Variants in CA12 observed in about 807,000 individuals in gnomAD.
The protein encoded by CA12 is carbonate dehydratase XII.
Under a neutral mutation model 46.8 loss-of-function variants are expected in CA12, and 36 were observed. The ratio of observed to expected loss-of-function variants is 0.77; its 90% CI spans 0.59 to 1.02. CA12 has a LOEUF of 1.02. Among genes scored for constraint, CA12 ranks in the 50% least tolerant of loss-of-function variants. The pLI, the probability that CA12 is intolerant of heterozygous loss-of-function variation, is 0.00. For synonymous variants in CA12, 202 were observed against 187.0 expected (o/e 1.08, Z -0.65); for missense variants, 436 against 451.4 (o/e 0.97, Z 0.31).
At chr15:63,380,886 C>T (rs1353346418) in intron 1 of CA12, among the ~76,000 whole-genome samples, 1 of 152,226 alleles carries the variant, frequency 6.6e-6, no homozygotes, top group African/African-American at 2.4e-5. Context: ...AGCTCACTGG[C>T]CCGGCGTGAG....
chr15:63,346,995 A>T (rs2039159142), intron 2 of CA12, among the ~76,000 whole-genome samples: 2 of 152,198 alleles, frequency 1.3e-5, no homozygotes, highest in Non-Finnish European at 1.5e-5. Flanking sequence ...TTTGACACAC[A>T]CGTCAAGACC....
intron 3 of CA12, among the ~76,000 whole-genome samples, chr15:63,346,288 C>T (rs776451140): frequency 9.2e-5 from 14 of 152,170 alleles, no homozygotes; most frequent in Non-Finnish European, 1.8e-4. Flanking sequence ...CGGTCTCCTG[C>T]CCCATCCTGA....
Position 63,338,894 on chromosome 15 carries a change from G to A in CA12, c.799C>T (p.Pro267Ser), listed in dbSNP as rs2039039090. 2 of 1,614,160 alleles carry A rather than the reference G, an allele frequency of 1.2e-6. No homozygotes were observed. The highest frequency in any genetic ancestry group is 1.7e-6 in the Non-Finnish European group (2 of 1,180,030). ...LYCTHMDDPS[P>S]REMINNFRQV... is the part of the protein sequence containing the mutation. ...CGGAAGTTGTTGATCATTTCTCTGG[G>A]GGAAGGGTCGTCCATGTGTGTGCAG... The change falls in exon 8 of 11, where the codon CCC (proline) becomes TCC (serine). Residue 267 changes from proline to serine, a missense_variant. Coordinates refer to ENST00000178638, the MANE Select transcript of CA12 (RefSeq NM_001218.5).
chr15:63,373,964 C>A lies in CA12; in HGVS notation c.106+1694G>T, dbSNP rs1220331593. On this transcript the variant is annotated intron_variant, in intron 2 of 10. Coordinates refer to ENST00000178638, the MANE Select transcript of CA12 (RefSeq NM_001218.5). The surrounding 1 kb of genome is among the most constrained non-coding windows in gnomAD (Gnocchi z 4.9). ...GTTCTCTTATCCTGGCCTGGCCTTC[C>A]CCCTCACTGCCACCACTGTAAACTG... Among the ~76,000 whole-genome samples, 1 of 152,222 alleles carries A rather than the reference C, an allele frequency of 6.6e-6. No homozygotes were observed. Among genetic ancestry groups the A allele is most frequent in the African/African-American group, 2.4e-5 (1 of 41,446 alleles).
rs866245076 is a variant in CA12, at chr15:63,341,244, C to T, written c.526-461G>A. ...CTTGGGATAAAAAAAGAATTCATTC[C>T]AGGGTACATATAGAGCAGGGGTGCC... On this transcript the variant is annotated intron_variant, in intron 5 of 10. Coordinates refer to ENST00000178638, the MANE Select transcript of CA12 (RefSeq NM_001218.5). The surrounding 1 kb of genome is among the most constrained non-coding windows in gnomAD (Gnocchi z 5.2). Among the ~76,000 whole-genome samples, 2 of 152,206 alleles carry T rather than the reference C, an allele frequency of 1.3e-5. No homozygotes were observed. The highest frequency in any genetic ancestry group is 2.1e-4 in the South Asian group (1 of 4,814).
chr15:63,354,010 G>A (rs867423927), intron 2 of CA12, among the ~76,000 whole-genome samples: 6 of 152,172 alleles, frequency 3.9e-5, no homozygotes, highest in South Asian at 4.1e-4. Flanking sequence ...TTGACCCACC[G>A]CACAGAAGGC....
chr15:63,381,736 CGGGGCG>C lies in CA12; in HGVS notation c.-22_-17del, dbSNP rs1218314835. On this transcript the variant is annotated 5_prime_UTR_variant, in exon 1 of 11. Transcript: ENST00000178638. ...GCCGGGGCATCTTCGCGGGCTCCTG[CGGGGCG>C]GGCGCGGGCTGTGCCGGGGGCTCCC... 1 of 1,560,880 alleles carries C rather than the reference CGGGGCG, an allele frequency of 6.4e-7. No homozygotes were observed. Among genetic ancestry groups the C allele is most frequent in the Non-Finnish European group, 8.7e-7 (1 of 1,152,404 alleles).
chr15:63,365,741 G>C (rs1252484126), intron 2 of CA12, among the ~76,000 whole-genome samples: 1 of 152,108 alleles, frequency 6.6e-6, no homozygotes, highest in African/African-American at 2.4e-5. Flanking sequence ...ACATCCCTCT[G>C]GTCTCCCTTC....
chr15:63,332,198 T>C (rs1176043638), intron 8 of CA12, among the ~76,000 whole-genome samples: 1 of 152,214 alleles, frequency 6.6e-6, no homozygotes, highest in Non-Finnish European at 1.5e-5. Context: ...GCAAATCCAG[T>C]GCTATCTTCA....
chr15:63,345,039 C>T lies in CA12; in HGVS notation c.429+438G>A, dbSNP rs184923714. On this transcript the variant is annotated intron_variant, in intron 4 of 10. Transcript: ENST00000178638. This position sits in a 1 kb window ranked among gnomAD's most constrained non-coding sequence, Gnocchi z 4.3. The stretch of plus-strand genomic sequence containing the variant: ...CCCATGTTCTAAACACAACCCATGC[C>T]CAGAGAGGGAAAGATAGCATCAAAA... Among the ~76,000 whole-genome samples the T allele has an allele frequency of 4.3e-4, 65 of 152,138 alleles. 1 individual carries two copies. The highest frequency in any genetic ancestry group is 2.9e-5 in the Non-Finnish European group (2 of 68,004).
At chr15:63,366,518 G>A (rs1317639677) in intron 2 of CA12, among the ~76,000 whole-genome samples, 1 of 152,156 alleles carries the variant, frequency 6.6e-6, no homozygotes, top group East Asian at 1.9e-4. Context: ...TAATGGTAGG[G>A]ACCAAGCCTT....
At position 63,331,537 on chromosome 15, in the gene CA12, G is replaced by A. The variant is rs2038937611; in HGVS notation, c.875-3407C>T. 6.6e-6 allele frequency among the ~76,000 whole-genome samples: 1 copy of A among 152,234 alleles called. No homozygotes were observed. The highest frequency in any genetic ancestry group is 2.4e-5 in the African/African-American group (1 of 41,458). On this transcript the variant is annotated intron_variant, in intron 8 of 10. Coordinates refer to ENST00000178638, the MANE Select transcript of CA12 (RefSeq NM_001218.5). This position sits in a 1 kb window ranked among gnomAD's most constrained non-coding sequence, Gnocchi z 5.3. Reference sequence around the variant, plus strand: ...GCATCGAGTGGCAGCCCAACAGAAGGAGCTCTGGGGCTGGCTGGTAAGAGG... The same window carrying A: ...GCATCGAGTGGCAGCCCAACAGAAGAAGCTCTGGGGCTGGCTGGTAAGAGG...
intron 2 of CA12, among the ~76,000 whole-genome samples, chr15:63,366,758 T>C (rs1202082604): frequency 1.3e-5 from 2 of 152,148 alleles, no homozygotes; most frequent in Admixed American, 1.3e-4. Context: ...ATGGTACCCA[T>C]GTGGTGGGGG....
chr15:63,341,343 C>T lies in CA12; in HGVS notation c.526-560G>A, dbSNP rs139094591. On this transcript the variant is annotated intron_variant, in intron 5 of 10. Transcript: ENST00000178638. The surrounding 1 kb of genome is among the most constrained non-coding windows in gnomAD (Gnocchi z 5.2). ...GGGCCGCACAGCAGGAGGTGAGCAG[C>T]GGGCAAGCAAGCATTACAGCCTGAG... is the stretch of plus-strand genomic sequence containing the variant. Among the ~76,000 whole-genome samples, 81 of 152,308 alleles carry T rather than the reference C, an allele frequency of 5.3e-4. No homozygotes were observed. The highest frequency in any genetic ancestry group is 1.8e-3 in the African/African-American group (73 of 41,572).
rs1409446987 is a variant in CA12, at chr15:63,342,007, T to C, written c.520A>G (p.Ile174Val). The change falls in exon 5 of 11, where the codon ATT (isoleucine) becomes GTT (valine). Residue 174 changes from isoleucine to valine, a missense_variant. By Grantham distance (29) the Ile-to-Val change is conservative. Coordinates refer to ENST00000178638, the MANE Select transcript of CA12 (RefSeq NM_001218.5). ...ACCTTTTAAATATCTCTTACCTCAA[T>C]GAGAACAGCCAGGACAGCGAGGCCT... ...SEGLAVLAVL[I>V]EMGSFNPSYD... is the part of the protein sequence containing the mutation. 2.5e-6 allele frequency: 4 copies of C among 1,610,802 alleles called. No homozygotes were observed. Among genetic ancestry groups the C allele is most frequent in the Non-Finnish European group, 3.4e-6 (4 of 1,177,130 alleles).
In CA12 at chr15:63,372,319, C is replaced by A. The variant is rs1367657781; in HGVS notation, c.106+3339G>T. On this transcript the variant is annotated intron_variant, in intron 2 of 10. Transcript: ENST00000178638. The surrounding 1 kb of genome is among the most constrained non-coding windows in gnomAD (Gnocchi z 4.5). ...GCCACCTCAGCCATGCTAAGCCCAGCAGCCATTCAGCTGCTGTTTCAGCAC... is the reference window on the plus strand; with the variant it reads ...GCCACCTCAGCCATGCTAAGCCCAGAAGCCATTCAGCTGCTGTTTCAGCAC... Among the ~76,000 whole-genome samples, 1 of 152,220 alleles carries A rather than the reference C, an allele frequency of 6.6e-6. No homozygotes were observed.
At chr15:63,336,543 C>CTTTTTTT (rs71998323) in intron 8 of CA12, among the ~76,000 whole-genome samples, 5 of 86,214 alleles carry the variant, frequency 5.8e-5, no homozygotes, top group African/African-American at 1.0e-4. Flanking sequence ...TCCAACCTGG[C>CTTTTTTT]TTTTTTTTTT....
chr15:63,333,429 G>A (rs1200236061), intron 8 of CA12, among the ~76,000 whole-genome samples: 1 of 152,206 alleles, frequency 6.6e-6, no homozygotes, highest in Non-Finnish European at 1.5e-5. Flanking sequence ...GGAAACATGT[G>A]GTGTGTGAAA....
chr15:63,336,017 T>C (rs373954197), intron 8 of CA12, among the ~76,000 whole-genome samples: 47 of 152,304 alleles, frequency 3.1e-4, no homozygotes, highest in African/African-American at 1.1e-3. Flanking sequence ...CAAGCTTCTA[T>C]AATCAGCCTC....
Sources: gnomAD v4.1 joint callset for allele counts (sites outside exome capture counted in the v4.1 genomes callset) on GRCh38, gnomAD v4.1.1 for gene constraint, Gnocchi (gnomAD v3.1) non-coding constraint, MANE v1.5 for transcripts, NCBI Gene and HGNC (gene_info 2026-07-23, HGNC 2026-07-21) for gene names.